APOBEC3C: variants seen among roughly 807,000 people sequenced by gnomAD.
The protein encoded by APOBEC3C is apolipoprotein B mRNA editing enzyme catalytic subunit 3C, also known as DNA dC->dU-editing enzyme APOBEC-3C.
APOBEC3C carries 14 observed loss-of-function variants against 20.6 expected under a neutral mutation model. The ratio of observed to expected loss-of-function variants is 0.68; its 90% CI spans 0.45 to 1.06. The LOEUF (loss-of-function observed/expected upper bound fraction) is 1.06. Among genes scored for constraint, APOBEC3C ranks in the 50% least tolerant of loss-of-function variants. The pLI, the probability that APOBEC3C is intolerant of heterozygous loss-of-function variation, is 0.00. For synonymous variants in APOBEC3C, 98 were observed against 88.8 expected (o/e 1.10, Z -0.58); for missense variants, 244 against 241.9 (o/e 1.01, Z -0.06).
At chr22:39,017,110 T>C (rs1284160082) in intron 2 of APOBEC3C, among the ~76,000 whole-genome samples, 1 of 152,064 alleles carries the variant, frequency 6.6e-6, no homozygotes, top group Admixed American at 6.6e-5. Flanking sequence ...TGCATGCCTG[T>C]AGTCCCAGCT....
chr22:39,017,646 A>AC, intron 2 of APOBEC3C, 120 bp from the exon 3 acceptor site: 1 of 1,298,530 alleles, frequency 7.7e-7, no homozygotes, highest in Middle Eastern at 2.0e-4. Context: ...TGTCTCAAAA[A>AC]TGAGTAAATA....
At chr22:39,016,108 C>T (rs1924770706) in intron 2 of APOBEC3C, among the ~76,000 whole-genome samples, 1 of 151,942 alleles carries the variant, frequency 6.6e-6, no homozygotes, top group African/African-American at 2.4e-5. Context: ...GAACTCCTGA[C>T]CTCAAGTGAT....
At position 39,017,810 on chromosome 22, in the gene APOBEC3C, T is replaced by C. The variant is rs1163530859; in HGVS notation, c.219T>C (p.Ser73=). 1 of 1,613,972 alleles carries C rather than the reference T, an allele frequency of 6.2e-7. No homozygotes were observed. Among genetic ancestry groups the C allele is most frequent in the Non-Finnish European group, 8.5e-7 (1 of 1,179,890 alleles). ...GTCATGCAGAAAGGTGCTTCCTCTC[T>C]TGGTTCTGCGACGACATACTGTCTC... ...THCHAERCFL[S]WFCDDILSPN... Residue 73 remains serine, a synonymous_variant, in exon 3 of 4, where the codon TCT becomes TCC. Coordinates refer to ENST00000361441, the MANE Select transcript of APOBEC3C (RefSeq NM_014508.3).
chr22:39,015,820 T>A, intron 2 of APOBEC3C, 69 bp downstream of exon 2: 4 of 1,511,966 alleles, frequency 2.6e-6, no homozygotes, highest in Non-Finnish European at 3.6e-6. Context: ...AACGCAACAA[T>A]AAGTGATGTG....
At chr22:39,018,134 C>A in intron 3 of APOBEC3C, 89 bp downstream of exon 3, 1 of 1,578,896 alleles carries the variant, frequency 6.3e-7, no homozygotes, top group South Asian at 1.2e-5. Flanking sequence ...GGGTCAGTGT[C>A]CCCTGGGTGT....
Position 39,018,663 on chromosome 22 carries a change from C to A in APOBEC3C, c.*276C>A, listed in dbSNP as rs1402002459. ...GCCCCTAACCTGGCTTTTCCCATCT[C>A]CCCAGCATAACCAAATCTTACTAAA... On this transcript the variant is annotated 3_prime_UTR_variant, in exon 4 of 4. Coordinates refer to ENST00000361441, the MANE Select transcript of APOBEC3C (RefSeq NM_014508.3). 6.6e-6 allele frequency: 2 copies of A among 305,318 alleles called. No individual in the cohort carries two copies. The highest frequency in any genetic ancestry group is 6.2e-6 in the Non-Finnish European group (1 of 162,524). The allele number at this position is 305,318 out of a possible 1,614,324, so 18.9% of individuals were successfully genotyped here.
chr22:39,014,287 C>A lies in APOBEC3C; in HGVS notation c.-76C>A. The A allele has an allele frequency of 1.3e-6, 2 of 1,588,260 alleles. No individual in the cohort carries two copies. Among genetic ancestry groups the A allele is most frequent in the South Asian group, 2.2e-5 (2 of 90,514 alleles). ...AAAGAGGGCTGCTCAACTGCAAGGA[C>A]GCTGTAAGCAGGAAGAGAAGCCACA... is the stretch of plus-strand genomic sequence containing the variant. On this transcript the variant is annotated 5_prime_UTR_variant, in exon 1 of 4. Coordinates refer to ENST00000361441, the MANE Select transcript of APOBEC3C (RefSeq NM_014508.3).
At position 39,017,915 on chromosome 22, in the gene APOBEC3C, G is replaced by A. The variant is rs1924854950; in HGVS notation, c.324G>A (p.Leu108=). ...GTGCAGGGGAGGTGGCCGAGTTCCT[G>A]GCCAGGCACAGCAACGTGAATCTCA... The part of the protein sequence containing the change: ...PDCAGEVAEF[L]ARHSNVNLTI... The change falls in exon 3 of 4, where the codon CTG becomes CTA. Residue 108 remains leucine, a synonymous_variant. Coordinates refer to ENST00000361441, the MANE Select transcript of APOBEC3C (RefSeq NM_014508.3). 1 of 1,614,064 alleles carries A rather than the reference G, an allele frequency of 6.2e-7. No homozygotes were observed.
Position 39,018,818 on chromosome 22 carries a change from C to CAAAAAA in APOBEC3C, c.*453_*458dup, listed in dbSNP as rs57039400. On this transcript the variant is annotated 3_prime_UTR_variant, in exon 4 of 4. Transcript: ENST00000361441. ...GTCACATGACAAAGCCCCATCTCTA[C>CAAAAAA]AAAAAAAAAAAAAAAAAAAAAAAAA... 2 of 47,452 alleles carry CAAAAAA rather than the reference C, an allele frequency of 4.2e-5. No individual in the cohort carries two copies. The highest frequency in any genetic ancestry group is 7.3e-5 in the Non-Finnish European group (2 of 27,418). 2.9% of individuals were successfully genotyped at this position (47,452 alleles called of 1,614,324 possible).
Position 39,018,806 on chromosome 22 carries a change from GC to G in APOBEC3C, c.*423del, listed in dbSNP as rs1297469263. The G allele has an allele frequency of 2.2e-5, 2 of 89,900 alleles. No individual in the cohort carries two copies. Among genetic ancestry groups the G allele is most frequent in the Admixed American group, 1.9e-4 (1 of 5,252 alleles). 5.6% of individuals were successfully genotyped at this position (89,900 alleles called of 1,614,324 possible). ...AGACCAGGCTGGGTCACATGACAAA[GC>G]CCCATCTCTACAAAAAAAAAAAAAA... is the stretch of plus-strand genomic sequence containing the variant. On this transcript the variant is annotated 3_prime_UTR_variant, in exon 4 of 4. Coordinates refer to ENST00000361441, the MANE Select transcript of APOBEC3C (RefSeq NM_014508.3).
chr22:39,017,963 C>G lies in APOBEC3C; in HGVS notation c.372C>G (p.Tyr124Ter). 6.2e-7 allele frequency: 1 copy of G among 1,614,220 alleles called. No homozygotes were observed. The highest frequency in any genetic ancestry group is 8.5e-7 in the Non-Finnish European group (1 of 1,180,050). Residue 124 changes from tyrosine to a stop codon, truncating the protein, a stop_gained, in exon 3 of 4, where the codon TAC becomes TAG. Coordinates refer to ENST00000361441, the MANE Select transcript of APOBEC3C (RefSeq NM_014508.3). LOFTEE classifies it high-confidence loss of function. The stretch of plus-strand genomic sequence containing the variant: ...TCACCATCTTCACCGCCCGCCTCTA[C>G]TACTTCCAGTATCCATGTTACCAGG... ...VNLTIFTARLYYFQYPCYQEG... is the reference protein window; with the variant it reads ...VNLTIFTARL
At chr22:39,015,004 G>C (rs1924730607) in intron 1 of APOBEC3C, among the ~76,000 whole-genome samples, 1 of 151,972 alleles carries the variant, frequency 6.6e-6, no homozygotes. Flanking sequence ...CAGGAGAAAT[G>C]CTCTTATTTT....
In APOBEC3C at chr22:39,015,653, G is replaced by A. The variant is rs1052963574; in HGVS notation, c.76G>A (p.Glu26Lys). Residue 26 changes from glutamate (E) to lysine (K), a missense_variant, in exon 2 of 4, where the codon GAA becomes AAA. Glu to Lys is a moderately conservative substitution (Grantham distance 56). Transcript: ENST00000361441. Reference protein sequence around the residue: ...TFYFQFKNLWEANDRNETWLC... With the variant: ...TFYFQFKNLWKANDRNETWLC... Reference sequence around the variant, plus strand: ...CTACTTCCAATTTAAAAACCTATGGGAAGCCAACGATCGGAACGAAACTTG... The same window carrying A: ...CTACTTCCAATTTAAAAACCTATGGAAAGCCAACGATCGGAACGAAACTTG... 6.2e-7 allele frequency: 1 copy of A among 1,614,112 alleles called. No individual in the cohort carries two copies. The highest frequency in any genetic ancestry group is 1.1e-5 in the South Asian group (1 of 91,080).
In APOBEC3C at chr22:39,018,520, C is replaced by A; in HGVS notation, c.*133C>A. Reference sequence around the variant, plus strand: ...CCCTCCTGGCCTCAGGGCCATTCCACAGTGCTCCCCTGCCTCACCGCTTCC... The same window carrying A: ...CCCTCCTGGCCTCAGGGCCATTCCAAAGTGCTCCCCTGCCTCACCGCTTCC... On this transcript the variant is annotated 3_prime_UTR_variant, in exon 4 of 4. Coordinates refer to ENST00000361441, the MANE Select transcript of APOBEC3C (RefSeq NM_014508.3). The A allele has an allele frequency of 9.5e-7, 1 of 1,049,860 alleles. No individual in the cohort carries two copies. Among genetic ancestry groups the A allele is most frequent in the Non-Finnish European group, 1.4e-6 (1 of 719,934 alleles). 65.0% of individuals were successfully genotyped at this position (1,049,860 alleles called of 1,614,324 possible).
rs1037302828 is a variant in APOBEC3C at position 39,018,709 on chromosome 22, G to A, written c.*322G>A. Reference sequence around the variant, plus strand: ...CTAAACTCATCCTAGGCTGGGCATGGTGACTCACGCCTGTAATCCCCCAGC... The same window carrying A: ...CTAAACTCATCCTAGGCTGGGCATGATGACTCACGCCTGTAATCCCCCAGC... On this transcript the variant is annotated 3_prime_UTR_variant, in exon 4 of 4. Coordinates refer to ENST00000361441, the MANE Select transcript of APOBEC3C (RefSeq NM_014508.3). 1.0e-5 allele frequency: 2 copies of A among 192,340 alleles called. No homozygotes were observed. The highest frequency in any genetic ancestry group is 5.6e-5 in the Admixed American group (1 of 17,968). The allele number at this position is 192,340 out of a possible 1,614,324, so 11.9% of individuals were successfully genotyped here.
In APOBEC3C at chr22:39,014,280, G is replaced by GC; in HGVS notation, c.-82dup. On this transcript the variant is annotated 5_prime_UTR_variant, in exon 1 of 4. Coordinates refer to ENST00000361441, the MANE Select transcript of APOBEC3C (RefSeq NM_014508.3). ...TCACTTTAAAGAGGGCTGCTCAACT[G>GC]CAAGGACGCTGTAAGCAGGAAGAGA... is the stretch of plus-strand genomic sequence containing the variant. 6.3e-7 allele frequency: 1 copy of GC among 1,578,160 alleles called. No homozygotes were observed. The highest frequency in any genetic ancestry group is 8.7e-7 in the Non-Finnish European group (1 of 1,147,814).
chr22:39,016,602 A>C (rs1052606069), intron 2 of APOBEC3C, among the ~76,000 whole-genome samples: 2 of 151,864 alleles, frequency 1.3e-5, no homozygotes, highest in African/African-American at 4.8e-5. Flanking sequence ...CTTCCTCCCA[A>C]AAGGCCTTGT....
At chr22:39,014,464 T>TGCCCCA in intron 1 of APOBEC3C, 85 bp downstream of exon 1, 10 of 1,435,406 alleles carry the variant, frequency 7.0e-6, no homozygotes, top group Non-Finnish European at 9.4e-6. Context: ...GGCCTCCCCC[T>TGCCCCA]GCCCCAGCCC....
chr22:39,016,251 G>C (rs1229889630), intron 2 of APOBEC3C, among the ~76,000 whole-genome samples: 1 of 140,456 alleles, frequency 7.1e-6, no homozygotes, highest in African/African-American at 2.6e-5. Context: ...CCAGGCTGGA[G>C]TGCAGTGGCA....
Sources: allele counts gnomAD v4.1 joint callset (sites outside exome capture counted in the v4.1 genomes callset), GRCh38; gene constraint gnomAD v4.1.1; transcripts MANE v1.5; gene names NCBI Gene and HGNC (gene_info 2026-07-23, HGNC 2026-07-21).